Variants in SGCZ observed in about 807,000 individuals in gnomAD.
SGCZ encodes sarcoglycan zeta, also known as zeta-sarcoglycan.
SGCZ carries 40 observed loss-of-function variants against 41.3 expected under a neutral mutation model. That is an observed-to-expected ratio of 0.97 (90% CI 0.75 to 1.26). The LOEUF (loss-of-function observed/expected upper bound fraction) is 1.26, where lower values mean the gene tolerates loss of function less well. SGCZ is among the 50% of genes most tolerant of loss of function. The pLI is 0.00. For missense variants in SGCZ, 552 were observed against 369.8 expected, an observed-to-expected ratio of 1.49 and a Z score of -4.04; for synonymous variants, 206 against 137.5, an observed-to-expected ratio of 1.50 and a Z score of -3.49.
intron 1 of SGCZ, among the ~76,000 whole-genome samples, chr8:15,058,107 T>C (rs868337985): frequency 6.6e-6 from 1 of 152,194 alleles, no homozygotes; most frequent in Non-Finnish European, 1.5e-5. Flanking sequence ...GTCAAGTAGA[T>C]GGAGCTATCA....
At chr8:14,235,701 T>G (rs186049164) in intron 4 of SGCZ, among the ~76,000 whole-genome samples, 13 of 152,292 alleles carry the variant, frequency 8.5e-5, no homozygotes, top group African/African-American at 3.1e-4. Flanking sequence ...TTACGTTTTT[T>G]TGAGACAGAG....
At chr8:14,338,722 G>T (rs529219378) in intron 2 of SGCZ, among the ~76,000 whole-genome samples, 5 of 152,226 alleles carry the variant, frequency 3.3e-5, no homozygotes, top group African/African-American at 1.2e-4. Context: ...ACTTTCTTAT[G>T]AAATAGAGTG....
chr8:14,876,597 G>T (rs73666910), intron 1 of SGCZ, among the ~76,000 whole-genome samples: 9,691 of 152,172 alleles, frequency 0.064, 594 homozygotes, highest in African/African-American at 0.16. Flanking sequence ...GAAATATCTC[G>T]CCGTAAAGCT....
intron 1 of SGCZ, among the ~76,000 whole-genome samples, chr8:14,839,869 T>C (rs1479560233): frequency 6.6e-6 from 1 of 152,206 alleles, no homozygotes; most frequent in Non-Finnish European, 1.5e-5. Flanking sequence ...TGACAAGGAT[T>C]GAAAAGGATC....
intron 1 of SGCZ, among the ~76,000 whole-genome samples, chr8:14,762,544 C>T (rs1471074568): frequency 6.6e-6 from 1 of 152,138 alleles, no homozygotes; most frequent in East Asian, 1.9e-4. Flanking sequence ...AGGTTTATTA[C>T]ACAAAATTGC....
intron 1 of SGCZ, among the ~76,000 whole-genome samples, chr8:14,916,276 C>T (rs4285493): frequency 0.11 from 16,469 of 152,178 alleles, 1,141 homozygotes; most frequent in African/African-American, 0.18. Context: ...AACATAGCAG[C>T]AGTCATGCTG....
intron 1 of SGCZ, among the ~76,000 whole-genome samples, chr8:15,179,777 G>T (rs1425006931): frequency 6.6e-6 from 1 of 152,126 alleles, no homozygotes; most frequent in East Asian, 1.9e-4. Context: ...AGGAAATAGA[G>T]GCAAAATAAA....
At chr8:14,267,227 C>T (rs1799903342) in intron 3 of SGCZ, among the ~76,000 whole-genome samples, 1 of 151,756 alleles carries the variant, frequency 6.6e-6, no homozygotes, top group Admixed American at 6.6e-5. Flanking sequence ...GTATGTATAT[C>T]CATCAAGTGA....
chr8:15,136,296 T>C (rs979869835), intron 1 of SGCZ, among the ~76,000 whole-genome samples: 6 of 152,068 alleles, frequency 3.9e-5, no homozygotes, highest in Non-Finnish European at 7.4e-5. Context: ...AATGAGTTTA[T>C]TGGATGGTTC....
At chr8:14,427,041 T>TGAATGAATGAATGAATGAGTGAATGAAG (rs1799802694) in intron 2 of SGCZ, among the ~76,000 whole-genome samples, 1 of 140,124 alleles carries the variant, frequency 7.1e-6, no homozygotes, top group African/African-American at 2.5e-5. Flanking sequence ...AATGAATGAA[T>TGAATGAATGAATGAATGAGTGAATGAAG]GAATGAATGA....
At chr8:14,533,746 A>C (rs1342471569) in intron 2 of SGCZ, among the ~76,000 whole-genome samples, 1 of 152,060 alleles carries the variant, frequency 6.6e-6, no homozygotes, top group Non-Finnish European at 1.5e-5. Context: ...AAGTTTAAAC[A>C]CCATTAACCA....
intron 1 of SGCZ, among the ~76,000 whole-genome samples, chr8:15,115,961 A>C (rs774657980): frequency 7.2e-5 from 11 of 152,238 alleles, no homozygotes; most frequent in Non-Finnish European, 1.6e-4. Context: ...GGCCACATAG[A>C]AAGTATTTTA....
At chr8:15,139,863 G>A (rs1323034660) in intron 1 of SGCZ, among the ~76,000 whole-genome samples, 4 of 152,072 alleles carry the variant, frequency 2.6e-5, no homozygotes, top group Non-Finnish European at 4.4e-5. Flanking sequence ...AGTCACTGAA[G>A]TTCCCCCATG....
chr8:14,528,841 AAC>A (rs1308794641), intron 2 of SGCZ, among the ~76,000 whole-genome samples: 8 of 150,694 alleles, frequency 5.3e-5, no homozygotes, highest in South Asian at 2.1e-4. Flanking sequence ...AAAAAAACAA[AAC>A]AAAAACAAAA....
intron 2 of SGCZ, among the ~76,000 whole-genome samples, chr8:14,486,529 G>A (rs6989351): frequency 1 from 152,239 of 152,362 alleles, 76,058 homozygotes; most frequent in Middle Eastern, 1. Context: ...AGCCACTCAT[G>A]GAGAACTTAG....
At chr8:14,652,347 G>A (rs866362904) in intron 1 of SGCZ, among the ~76,000 whole-genome samples, 635 of 32,880 alleles carry the variant, frequency 0.019, 11 homozygotes, top group African/African-American at 0.072. Flanking sequence ...AAAAAAAAAA[G>A]GGGGGGGTGT....
intron 2 of SGCZ, among the ~76,000 whole-genome samples, chr8:14,324,424 T>G (rs1224631568): frequency 5.9e-5 from 9 of 152,230 alleles, no homozygotes; most frequent in Admixed American, 5.2e-4. Flanking sequence ...AAGGACTGTG[T>G]CTTCTTCGAG....
At chr8:15,102,976 T>G (rs573091132) in intron 1 of SGCZ, among the ~76,000 whole-genome samples, 1 of 152,116 alleles carries the variant, frequency 6.6e-6, no homozygotes, top group Non-Finnish European at 1.5e-5. Flanking sequence ...TCTGTGCATA[T>G]AGGACATAAA....
At chr8:14,724,019 T>A (rs1471528674) in intron 1 of SGCZ, among the ~76,000 whole-genome samples, 1 of 152,124 alleles carries the variant, frequency 6.6e-6, no homozygotes, top group Non-Finnish European at 1.5e-5. Context: ...AATATTTTAT[T>A]CACACTCTTG....
Sources: allele counts gnomAD v4.1 joint callset (sites outside exome capture counted in the v4.1 genomes callset), GRCh38; gene constraint gnomAD v4.1.1; transcripts MANE v1.5; gene names NCBI Gene and HGNC (gene_info 2026-07-23, HGNC 2026-07-21).